ADAMTS16: variants seen among roughly 807,000 people sequenced by gnomAD.
ADAMTS16 encodes ADAM metallopeptidase with thrombospondin type 1 motif 16.
In ADAMTS16, 94 loss-of-function variants were observed where a neutral mutation model predicts 145.8. That is an observed-to-expected ratio of 0.64 (90% CI 0.55 to 0.77). ADAMTS16 has a LOEUF of 0.77. Among genes scored for constraint, ADAMTS16 ranks in the 30% least tolerant of loss-of-function variants. The probability of loss-of-function intolerance (pLI) is 0.00; values close to 1 mark genes in which losing one functional copy is unlikely to be tolerated. For missense variants in ADAMTS16, 1,585 were observed against 1,591.5 expected (o/e 1.00, Z 0.07); for synonymous variants, 659 against 604.3 (o/e 1.09, Z -1.33).
In ADAMTS16 at chr5:5,319,162, A is replaced by C; in HGVS notation, c.*24A>C. On this transcript the variant is annotated 3_prime_UTR_variant, in exon 23 of 23. Transcript: ENST00000274181. ...GAGTTGGGACCGCTCTCCGTAGCAG[A>C]GAAAGTGCCTGCGTGGCACAGAAAT... 2 of 1,547,060 alleles carry C rather than the reference A, an allele frequency of 1.3e-6. No individual in the cohort carries two copies. The highest frequency in any genetic ancestry group is 4.5e-5 in the East Asian group (2 of 44,264).
chr5:5,181,350 A>G (rs1205462909), intron 3 of ADAMTS16, among the ~76,000 whole-genome samples: 2 of 152,200 alleles, frequency 1.3e-5, no homozygotes, highest in Non-Finnish European at 2.9e-5. Context: ...GATCTTAAAA[A>G]TATTTGTCAC....
At chr5:5,144,346 A>G (rs1734241663) in intron 2 of ADAMTS16, among the ~76,000 whole-genome samples, 1 of 152,158 alleles carries the variant, frequency 6.6e-6, no homozygotes, top group Admixed American at 6.5e-5. Context: ...CAGAGCTTAC[A>G]ACGTACTTTG....
chr5:5,267,815 G>A (rs1330162781), intron 18 of ADAMTS16, among the ~76,000 whole-genome samples: 2 of 152,164 alleles, frequency 1.3e-5, no homozygotes, highest in Admixed American at 6.5e-5. Flanking sequence ...CCCGAGAGTG[G>A]AGCCCTCACC....
intron 12 of ADAMTS16, among the ~76,000 whole-genome samples, chr5:5,233,507 A>G (rs1187307735): frequency 6.6e-6 from 1 of 152,058 alleles, no homozygotes; most frequent in Non-Finnish European, 1.5e-5. Flanking sequence ...CCACCTTCCA[A>G]CAGGCCACAG....
At chr5:5,177,909 C>T (rs1735243392) in intron 3 of ADAMTS16, among the ~76,000 whole-genome samples, 1 of 152,198 alleles carries the variant, frequency 6.6e-6, no homozygotes. Flanking sequence ...GGAACTGGTT[C>T]ACTGGGAGTC....
intron 18 of ADAMTS16, among the ~76,000 whole-genome samples, chr5:5,289,244 C>T (rs1739212740): frequency 1.3e-5 from 2 of 152,226 alleles, no homozygotes; most frequent in African/African-American, 4.8e-5. Context: ...TTGGTTTGTC[C>T]TCCAGGGGCA....
intron 18 of ADAMTS16, among the ~76,000 whole-genome samples, chr5:5,289,460 A>G (rs575047077): frequency 1.8e-4 from 27 of 152,316 alleles, no homozygotes; most frequent in African/African-American, 6.0e-4. Context: ...TTCATTGTTA[A>G]CATTCCCAAC....
chr5:5,266,121 T>G (rs1168869913), intron 18 of ADAMTS16, among the ~76,000 whole-genome samples: 1 of 151,858 alleles, frequency 6.6e-6, no homozygotes, highest in East Asian at 1.9e-4. Context: ...AAATGTTGAG[T>G]GCTTGAATGC....
chr5:5,174,745 T>C (rs1162911744), intron 3 of ADAMTS16, among the ~76,000 whole-genome samples: 1 of 152,224 alleles, frequency 6.6e-6, no homozygotes, highest in Non-Finnish European at 1.5e-5. Context: ...TGATGCATTC[T>C]TCAGTTTGTA....
intron 3 of ADAMTS16, among the ~76,000 whole-genome samples, chr5:5,148,117 T>TA (rs35592712): frequency 0.56 from 85,677 of 152,078 alleles, 24,942 homozygotes; most frequent in Middle Eastern, 0.79. Context: ...CTCTGGATAA[T>TA]AACAGTGGTA....
intron 3 of ADAMTS16, among the ~76,000 whole-genome samples, chr5:5,178,591 T>C (rs557872163): frequency 6.6e-6 from 1 of 152,252 alleles, no homozygotes; most frequent in Non-Finnish European, 1.5e-5. Flanking sequence ...ATGTTCTATG[T>C]ATTTAATGAA....
intron 9 of ADAMTS16, among the ~76,000 whole-genome samples, chr5:5,207,096 T>C (rs13165844): frequency 0.31 from 46,565 of 152,132 alleles, 7,877 homozygotes; most frequent in Non-Finnish European, 0.39. Flanking sequence ...TAACTTCCTT[T>C]AGTTTTGATT....
At chr5:5,259,331 G>A (rs1737911623) in intron 17 of ADAMTS16, among the ~76,000 whole-genome samples, 1 of 152,178 alleles carries the variant, frequency 6.6e-6, no homozygotes, top group Non-Finnish European at 1.5e-5. Context: ...TTCCACTTCT[G>A]CTCTCATCTC....
At chr5:5,205,187 T>C (rs959088492) in intron 9 of ADAMTS16, among the ~76,000 whole-genome samples, 1 of 152,198 alleles carries the variant, frequency 6.6e-6, no homozygotes, top group Admixed American at 6.5e-5. Context: ...AAATCTTCTC[T>C]GACTCTGTGA....
At chr5:5,285,731 A>G (rs1190947259) in intron 18 of ADAMTS16, among the ~76,000 whole-genome samples, 1 of 152,176 alleles carries the variant, frequency 6.6e-6, no homozygotes, top group Non-Finnish European at 1.5e-5. Context: ...ATAGATGTTG[A>G]TTTCTTTAAG....
chr5:5,240,998 G>A (rs1373659611), intron 16 of ADAMTS16, among the ~76,000 whole-genome samples: 1 of 152,114 alleles, frequency 6.6e-6, no homozygotes, highest in African/African-American at 2.4e-5. Flanking sequence ...AAGAAGAGTT[G>A]CAGAGCCTCA....
rs547643178 is a variant in ADAMTS16, at chr5:5,280,855, A to C, written c.2789+18072A>C. ...ACCTCTAGGGGAACCTACTCATCCC[A>C]CGTTGCTCAGAACTGTTCTGGTTTT... On this transcript the variant is annotated intron_variant, in intron 18 of 22. Transcript: ENST00000274181. 3.3e-5 allele frequency among the ~76,000 whole-genome samples: 5 copies of C among 152,338 alleles called. No individual in the cohort carries two copies. The East Asian group carries it at 7.7e-4, about 23-fold the overall frequency.
chr5:5,315,684 G>A (rs1047022914), intron 21 of ADAMTS16, among the ~76,000 whole-genome samples: 3 of 152,178 alleles, frequency 2.0e-5, no homozygotes, highest in African/African-American at 4.8e-5. Flanking sequence ...GAGGGTGTCT[G>A]GAATGCAGAC....
intron 18 of ADAMTS16, among the ~76,000 whole-genome samples, chr5:5,301,305 T>G (rs12109952): frequency 0.46 from 70,374 of 152,008 alleles, 17,261 homozygotes; most frequent in Non-Finnish European, 0.55. Context: ...TTAAGCATCC[T>G]CCTTCTAGGC....
Sources: gnomAD v4.1 joint callset for allele counts (sites outside exome capture counted in the v4.1 genomes callset) on GRCh38, gnomAD v4.1.1 for gene constraint, MANE v1.5 for transcripts, NCBI Gene and HGNC (gene_info 2026-07-23, HGNC 2026-07-21) for gene names.